CYP19A1: variants seen among roughly 807,000 people sequenced by gnomAD.
CYP19A1 encodes aromatase.
Under a neutral mutation model 44.4 loss-of-function variants are expected in CYP19A1, and 32 were observed. The ratio of observed to expected loss-of-function variants is 0.72; its 90% CI spans 0.54 to 0.97. The LOEUF (loss-of-function observed/expected upper bound fraction) is 0.97, where lower values mean the gene tolerates loss of function less well. Ranked by LOEUF, CYP19A1 falls within the 50% of genes least tolerant of loss-of-function variation. CYP19A1 has a pLI of 0.00. For missense variants in CYP19A1, 598 were observed against 637.8 expected (o/e 0.94, Z 0.67); for synonymous variants, 212 against 215.6 (o/e 0.98, Z 0.14).
Position 51,261,822 on chromosome 15 carries a change from C to T in CYP19A1, c.-38-18872G>A, listed in dbSNP as rs539203205. Among the ~76,000 whole-genome samples, 4 of 152,206 alleles carry T rather than the reference C, an allele frequency of 2.6e-5. No homozygotes were observed. The East Asian group carries it at 7.7e-4, about 29-fold the overall frequency. On this transcript the variant is annotated intron_variant, in intron 1 of 9. Transcript: ENST00000396402. ...GTAAGAATAGCATGCAAGTGAGGGC[C>T]CATTGGAGAGGCCGATGGGTGAAGC...
chr15:51,256,342 T>C (rs1051639415), intron 1 of CYP19A1, among the ~76,000 whole-genome samples: 2 of 152,218 alleles, frequency 1.3e-5, no homozygotes, highest in East Asian at 1.9e-4. Context: ...TAACAGCCTA[T>C]ATTTAAGAAG....
Position 51,209,273 on chromosome 15 carries a change from G to C in CYP19A1, c.*1535C>G, listed in dbSNP as rs545763248. On this transcript the variant is annotated 3_prime_UTR_variant, in exon 10 of 10. Transcript: ENST00000396402. Reference sequence around the variant, plus strand: ...ATCAGTTGGGAGTATCTCTGAGCAGGAATGTCTATTCAGAACTGAGCTTGG... The same window carrying C: ...ATCAGTTGGGAGTATCTCTGAGCAGCAATGTCTATTCAGAACTGAGCTTGG... 6.6e-6 allele frequency: 1 copy of C among 152,174 alleles called. No homozygotes were observed. The highest frequency in any genetic ancestry group is 6.5e-5 in the Admixed American group (1 of 15,276). 9.4% of individuals were successfully genotyped at this position (152,174 alleles called of 1,614,324 possible). A position where few individuals can be genotyped will look rare whatever the true frequency, so the allele number is the denominator to read the frequency against.
At chr15:51,251,926 GAGGGGGTTGAGCCAC>G (rs2034326147) in intron 1 of CYP19A1, among the ~76,000 whole-genome samples, 1 of 152,152 alleles carries the variant, frequency 6.6e-6, no homozygotes, top group African/African-American at 2.4e-5. Flanking sequence ...TCTATAAAAT[GAGGGGGTTGAGCCAC>G]AGGGCCCCTC....
intron 1 of CYP19A1, among the ~76,000 whole-genome samples, chr15:51,295,555 C>T (rs2035977055): frequency 6.6e-6 from 1 of 152,138 alleles, no homozygotes; most frequent in Non-Finnish European, 1.5e-5. Flanking sequence ...TACTTGACAC[C>T]CAGGAGGCTC....
rs758851623 is a variant in CYP19A1, at chr15:51,218,671, A to AC, written c.629-17dup. The AC allele has an allele frequency of 1.9e-5, 30 of 1,603,740 alleles. No homozygotes were observed. Among genetic ancestry groups the AC allele is most frequent in the Middle Eastern group, 1.6e-4 (1 of 6,074 alleles). ...ATAGCACTTTCTGTAGGAAAAAAAA[A>AC]CACACATACACAAGAAAGAGCAGTT... is the stretch of plus-strand genomic sequence containing the variant. On this transcript the variant is annotated splice_polypyrimidine_tract_variant and intron_variant, in intron 5 of 9. Transcript: ENST00000396402.
At chr15:51,266,534 G>A (rs749292) in intron 1 of CYP19A1, among the ~76,000 whole-genome samples, 67,062 of 152,100 alleles carry the variant, frequency 0.44, 14,952 homozygotes, top group African/African-American at 0.48. Flanking sequence ...CCTCGGAGTC[G>A]AGGATTCCTG....
chr15:51,260,521 A>T (rs147655788), intron 1 of CYP19A1, among the ~76,000 whole-genome samples: 326 of 152,288 alleles, frequency 2.1e-3, no homozygotes, highest in South Asian at 4.2e-3. Context: ...AGTCATTTAG[A>T]AGTCAGAGGT....
intron 1 of CYP19A1, among the ~76,000 whole-genome samples, chr15:51,325,265 A>C (rs1263317926): frequency 6.6e-6 from 1 of 152,098 alleles, no homozygotes; most frequent in East Asian, 1.9e-4. Context: ...TCTGAATGGC[A>C]AGCTGAAGAC....
chr15:51,217,970 T>G (rs1267935453), intron 6 of CYP19A1, among the ~76,000 whole-genome samples: 1 of 152,208 alleles, frequency 6.6e-6, no homozygotes, highest in Non-Finnish European at 1.5e-5. Flanking sequence ...TCCAGTTTTC[T>G]GCTGGATGAT....
chr15:51,309,350 C>T (rs1005298938), intron 1 of CYP19A1, among the ~76,000 whole-genome samples: 6 of 152,152 alleles, frequency 3.9e-5, no homozygotes, highest in Non-Finnish European at 8.8e-5. Flanking sequence ...TTAAGCTACC[C>T]GGTCTATGGT....
At chr15:51,279,388 T>C (rs2035437455) in intron 1 of CYP19A1, among the ~76,000 whole-genome samples, 1 of 152,188 alleles carries the variant, frequency 6.6e-6, no homozygotes, top group Non-Finnish European at 1.5e-5. Context: ...CATTCCACTC[T>C]GTAGTGCTGG....
intron 1 of CYP19A1, among the ~76,000 whole-genome samples, chr15:51,268,714 A>G (rs1192527188): frequency 6.6e-6 from 1 of 152,222 alleles, no homozygotes; most frequent in East Asian, 1.9e-4. Flanking sequence ...TCAGCAGTAT[A>G]TGAGAGTTAC....
chr15:51,261,059 C>T (rs561136005), intron 1 of CYP19A1, among the ~76,000 whole-genome samples: 6 of 152,312 alleles, frequency 3.9e-5, no homozygotes, highest in African/African-American at 1.2e-4. Context: ...TCTGATCCAG[C>T]GAGGTGCCCA....
intron 7 of CYP19A1, 136 bp downstream of exon 7, chr15:51,215,567 G>T (rs1595671029): frequency 6.5e-7 from 1 of 1,541,046 alleles, no homozygotes; most frequent in East Asian, 2.4e-5. Context: ...TGGGCTATTT[G>T]GATTGGGATT....
intron 1 of CYP19A1, among the ~76,000 whole-genome samples, chr15:51,280,944 G>T (rs932512797): frequency 2.0e-5 from 3 of 152,192 alleles, no homozygotes; most frequent in African/African-American, 7.2e-5. Flanking sequence ...AGCACAGTGA[G>T]AGATGCCAAG....
chr15:51,295,099 T>A (rs1033114398), intron 1 of CYP19A1, among the ~76,000 whole-genome samples: 56 of 151,104 alleles, frequency 3.7e-4, no homozygotes, highest in Admixed American at 2.3e-3. Flanking sequence ...TCAAAATTCT[T>A]CAGCAGCTGA....
At chr15:51,250,027 G>A (rs2141139823) in intron 1 of CYP19A1, among the ~76,000 whole-genome samples, 1 of 152,324 alleles carries the variant, frequency 6.6e-6, no homozygotes, top group African/African-American at 2.4e-5. Context: ...CACATGGTGT[G>A]GACTACCTTC....
chr15:51,227,142 A>G (rs1254349659), intron 4 of CYP19A1, among the ~76,000 whole-genome samples: 1 of 152,150 alleles, frequency 6.6e-6, no homozygotes, highest in Non-Finnish European at 1.5e-5. Context: ...ATCAATAAGA[A>G]GAAAAGAATT....
intron 3 of CYP19A1, among the ~76,000 whole-genome samples, chr15:51,229,708 C>T (rs2032880695): frequency 6.6e-6 from 1 of 152,044 alleles, no homozygotes; most frequent in Non-Finnish European, 1.5e-5. Context: ...AAAACTCTAG[C>T]TTTACTTACC....
Sources: allele counts gnomAD v4.1 joint callset (sites outside exome capture counted in the v4.1 genomes callset), GRCh38; gene constraint gnomAD v4.1.1; transcripts MANE v1.5; gene names NCBI Gene and HGNC (gene_info 2026-07-23, HGNC 2026-07-21).